SMOC1: variants seen among roughly 807,000 people sequenced by gnomAD.
The protein encoded by SMOC1 is SPARC related modular calcium binding 1, also known as SPARC-related modular calcium-binding protein 1.
Under a neutral mutation model 56.3 loss-of-function variants are expected in SMOC1, and 22 were observed. The observed-to-expected ratio is 0.39, with a 90% CI of 0.28 to 0.56. SMOC1 has a LOEUF of 0.56. Ranked by LOEUF, SMOC1 falls within the 20% of genes least tolerant of loss-of-function variation. SMOC1 has a pLI of 0.61. For synonymous variants in SMOC1, 193 were observed against 215.0 expected, an observed-to-expected ratio of 0.90 and a Z score of 0.89; for missense variants, 509 against 565.4, an observed-to-expected ratio of 0.90 and a Z score of 1.01.
At chr14:69,942,626 C>A (rs1882606145) in intron 1 of SMOC1, among the ~76,000 whole-genome samples, 1 of 152,164 alleles carries the variant, frequency 6.6e-6, no homozygotes, top group Non-Finnish European at 1.5e-5. Context: ...TTTGGTTTGG[C>A]CTTTTCCAGG....
chr14:70,000,724 G>A (rs183250250), intron 7 of SMOC1, among the ~76,000 whole-genome samples: 4 of 152,288 alleles, frequency 2.6e-5, no homozygotes, highest in Admixed American at 6.5e-5. Context: ...GGAAGGAAGC[G>A]GTCACCACTT....
Position 69,879,705 on chromosome 14 carries a change from G to T in SMOC1, c.27G>T (p.Leu9=). The stretch of plus-strand genomic sequence containing the variant: ...TGCTGCCCGCGCGCTGCGCCCGCCT[G>T]CTCACGCCCCACTTGCTGCTGGTGT... MLPARCAR[L]LTPHLLLVLV... The change falls in exon 1 of 12, where the codon CTG becomes CTT. Residue 9 remains leucine (L), a synonymous_variant. Transcript: ENST00000361956. 2 of 1,584,468 alleles carry T rather than the reference G, an allele frequency of 1.3e-6. No individual in the cohort carries two copies. The highest frequency in any genetic ancestry group is 1.7e-6 in the Non-Finnish European group (2 of 1,173,584).
At chr14:69,895,859 C>T (rs1884082312) in intron 1 of SMOC1, among the ~76,000 whole-genome samples, 1 of 118,174 alleles carries the variant, frequency 8.5e-6, no homozygotes, top group Non-Finnish European at 1.8e-5. Flanking sequence ...CCTTCCTTCT[C>T]TTTTTTTCTT....
chr14:70,016,849 C>A (rs904049887), intron 10 of SMOC1, among the ~76,000 whole-genome samples: 2 of 152,190 alleles, frequency 1.3e-5, no homozygotes, highest in Non-Finnish European at 2.9e-5. Flanking sequence ...TAAATGTCAC[C>A]TTCTCAAGTA....
chr14:70,002,320 G>A (rs888429639), intron 7 of SMOC1, among the ~76,000 whole-genome samples: 2 of 152,222 alleles, frequency 1.3e-5, no homozygotes, highest in Non-Finnish European at 2.9e-5. Context: ...GCCAACAGAA[G>A]TGTGACTTTA....
At chr14:69,968,920 G>A in intron 3 of SMOC1, among the ~76,000 whole-genome samples, 1 of 152,194 alleles carries the variant, frequency 6.6e-6, no homozygotes, top group Admixed American at 6.5e-5. Context: ...AAGCCACAGG[G>A]TGAGAAGGCA....
At chr14:69,892,763 A>G (rs1451774542) in intron 1 of SMOC1, among the ~76,000 whole-genome samples, 1 of 152,218 alleles carries the variant, frequency 6.6e-6, no homozygotes, top group Non-Finnish European at 1.5e-5. Context: ...ATTTTCATAT[A>G]TATCTGTAAA....
intron 3 of SMOC1, among the ~76,000 whole-genome samples, chr14:69,956,332 A>G (rs1883183944): frequency 6.6e-6 from 1 of 152,182 alleles, no homozygotes; most frequent in Non-Finnish European, 1.5e-5. Flanking sequence ...AGACACTGCA[A>G]TAACTTCACA....
At chr14:70,012,887 G>A (rs1011728882) in intron 9 of SMOC1, among the ~76,000 whole-genome samples, 2 of 152,114 alleles carry the variant, frequency 1.3e-5, no homozygotes, top group African/African-American at 4.8e-5. Flanking sequence ...GGAGGGAAGT[G>A]AAAAAAGGAG....
chr14:69,963,568 C>A, intron 3 of SMOC1, among the ~76,000 whole-genome samples: 1 of 152,162 alleles, frequency 6.6e-6, no homozygotes, highest in African/African-American at 2.4e-5. Flanking sequence ...TGGTCCCTCC[C>A]GCCCCTCCCC....
At chr14:69,997,227 A>C (rs538667368) in intron 7 of SMOC1, among the ~76,000 whole-genome samples, 1 of 152,320 alleles carries the variant, frequency 6.6e-6, no homozygotes, top group South Asian at 2.1e-4. Flanking sequence ...CTGCATCAGC[A>C]CAGGAGCTCT....
intron 1 of SMOC1, among the ~76,000 whole-genome samples, chr14:69,946,898 C>A (rs1261633532): frequency 6.6e-6 from 1 of 152,044 alleles, no homozygotes; most frequent in Admixed American, 6.5e-5. Flanking sequence ...TTTGATCCAC[C>A]CCCCATCCCT....
intron 1 of SMOC1, chr14:69,885,837 A>G: frequency 6.2e-7 from 1 of 1,602,750 alleles, no homozygotes; most frequent in East Asian, 2.2e-5. Context: ...TCTGGCCTGT[A>G]CTTGTGGGCC....
chr14:70,016,341 A>G (rs2139600246), intron 10 of SMOC1, among the ~76,000 whole-genome samples: 1 of 152,340 alleles, frequency 6.6e-6, no homozygotes, highest in Non-Finnish European at 1.5e-5. Context: ...AATTGTTTTC[A>G]AAACATGTTT....
intron 3 of SMOC1, among the ~76,000 whole-genome samples, chr14:69,958,412 G>A (rs978922552): frequency 6.6e-6 from 1 of 152,136 alleles, no homozygotes. Flanking sequence ...CAAAAAACCA[G>A]CCATATGATA....
At chr14:69,940,606 A>G (rs1882515695) in intron 1 of SMOC1, among the ~76,000 whole-genome samples, 1 of 149,770 alleles carries the variant, frequency 6.7e-6, no homozygotes, top group Non-Finnish European at 1.5e-5. Context: ...ACAGGCATGA[A>G]GAAACTCCTT....
intron 1 of SMOC1, among the ~76,000 whole-genome samples, chr14:69,897,934 G>T (rs1184942151): frequency 1.3e-5 from 2 of 151,780 alleles, no homozygotes; most frequent in Non-Finnish European, 2.9e-5. Flanking sequence ...CCTTCTCTCT[G>T]AATAACTTCT....
intron 1 of SMOC1, among the ~76,000 whole-genome samples, chr14:69,951,853 CTAT>C (rs1361344985): frequency 6.6e-6 from 1 of 152,194 alleles, no homozygotes; most frequent in Non-Finnish European, 1.5e-5. Flanking sequence ...AATAGAGTTT[CTAT>C]TTCATAGGGT....
At position 69,958,156 on chromosome 14, in the gene SMOC1, G is replaced by A. The variant is rs191596576; in HGVS notation, c.378+4624G>A. The stretch of plus-strand genomic sequence containing the variant: ...CAAGCCTGTAGTCCCAGCTAATTGG[G>A]AGGCTGAGGCAGGAGGATTGCTTGA... On this transcript the variant is annotated intron_variant, in intron 3 of 11. Coordinates refer to ENST00000361956, the MANE Select transcript of SMOC1 (RefSeq NM_001034852.3). Among the ~76,000 whole-genome samples, 13 of 152,332 alleles carry A rather than the reference G, an allele frequency of 8.5e-5. No homozygotes were observed. The East Asian group carries it at 2.5e-3, about 29-fold the overall frequency.
Sources: allele counts gnomAD v4.1 joint callset (sites outside exome capture counted in the v4.1 genomes callset), GRCh38; gene constraint gnomAD v4.1.1; transcripts MANE v1.5; gene names NCBI Gene and HGNC (gene_info 2026-07-23, HGNC 2026-07-21).